SPG21: variants seen among roughly 807,000 people sequenced by gnomAD.
SPG21 encodes the protein maspardin.
In SPG21, 26 loss-of-function variants were observed where a neutral mutation model predicts 38.9. The observed-to-expected ratio is 0.67, with a 90% CI of 0.49 to 0.93. The LOEUF (loss-of-function observed/expected upper bound fraction) is 0.93, where lower values mean the gene tolerates loss of function less well. Among genes scored for constraint, SPG21 ranks in the 40% least tolerant of loss-of-function variants. SPG21 has a pLI of 0.00. For synonymous variants in SPG21, 136 were observed against 128.9 expected, an observed-to-expected ratio of 1.05 and a Z score of -0.37; for missense variants, 333 against 376.5, an observed-to-expected ratio of 0.88 and a Z score of 0.96.
chr15:64,975,284 T>A (rs2085752820), intron 4 of SPG21, among the ~76,000 whole-genome samples: 1 of 137,294 alleles, frequency 7.3e-6, no homozygotes. Flanking sequence ...CGAGACTCCG[T>A]CTTAAAAAAA....
chr15:64,978,263 C>T (rs1267647775), intron 3 of SPG21, among the ~76,000 whole-genome samples: 1 of 151,802 alleles, frequency 6.6e-6, no homozygotes, highest in Admixed American at 6.6e-5. Flanking sequence ...GCCTGGACAA[C>T]ATGGTGAAAC....
At chr15:64,984,834 C>T (rs1485680642) in intron 1 of SPG21, among the ~76,000 whole-genome samples, 1 of 151,068 alleles carries the variant, frequency 6.6e-6, no homozygotes, top group East Asian at 1.9e-4. Flanking sequence ...ACTGCAACCT[C>T]CACCCTCCAA....
chr15:64,966,679 C>A (rs1168405993), intron 7 of SPG21, among the ~76,000 whole-genome samples: 1 of 152,112 alleles, frequency 6.6e-6, no homozygotes, highest in East Asian at 1.9e-4. Context: ...GCGGGCAGAT[C>A]ATGAGGTCAG....
chr15:64,979,904 T>C (rs2085851720), intron 3 of SPG21, among the ~76,000 whole-genome samples: 1 of 150,564 alleles, frequency 6.6e-6, no homozygotes, highest in South Asian at 2.1e-4. Context: ...CCACACACCT[T>C]TCTCCCAGAG....
At chr15:64,979,845 C>CAAAAAAA (rs71136305) in intron 3 of SPG21, among the ~76,000 whole-genome samples, 1 of 89,524 alleles carries the variant, frequency 1.1e-5, no homozygotes, top group African/African-American at 4.9e-5. Context: ...TGGAAGCATG[C>CAAAAAAA]AAAAAAAAAA....
Position 64,980,941 on chromosome 15 carries a change from G to A in SPG21, c.148C>T (p.Pro50Ser). ...RSIRCPLIFLPPVSGTADVFF... is the reference protein window; with the variant it reads ...RSIRCPLIFLSPVSGTADVFF... Reference sequence around the variant, plus strand: ...ACATCTGCAGTTCCACTGACAGGGGGCAGGAATATGAGAGGACACCTGATA... The same window carrying A: ...ACATCTGCAGTTCCACTGACAGGGGACAGGAATATGAGAGGACACCTGATA... Residue 50 changes from proline (P) to serine (S), a missense_variant, in exon 3 of 9, where the codon CCC becomes TCC. Physicochemically the swap from Pro to Ser is moderately conservative, Grantham distance 74. Transcript: ENST00000204566. 1 of 1,614,122 alleles carries A rather than the reference G, an allele frequency of 6.2e-7. No homozygotes were observed. The highest frequency in any genetic ancestry group is 8.5e-7 in the Non-Finnish European group (1 of 1,180,014).
intron 3 of SPG21, among the ~76,000 whole-genome samples, chr15:64,978,345 A>T (rs981899321): frequency 3.3e-5 from 5 of 151,966 alleles, no homozygotes; most frequent in African/African-American, 1.2e-4. Context: ...GCTACTGGGG[A>T]AGCTGAGGCA....
chr15:64,968,266 G>A (rs1047269407), intron 7 of SPG21, among the ~76,000 whole-genome samples: 3 of 150,996 alleles, frequency 2.0e-5, no homozygotes, highest in African/African-American at 7.3e-5. Flanking sequence ...TTTGGGCCCG[G>A]GAGGCAGAGG....
At chr15:64,981,544 C>G (rs2085887445) in intron 2 of SPG21, 1 of 156,360 alleles carries the variant, frequency 6.4e-6, no homozygotes, top group Non-Finnish European at 1.4e-5. Flanking sequence ...CCGCCTTGGC[C>G]TCCCAAAGTG....
intron 3 of SPG21, 42 bp downstream of exon 3, chr15:64,980,822 A>C (rs781736127): frequency 1.6e-4 from 254 of 1,603,636 alleles, no homozygotes; most frequent in Non-Finnish European, 1.9e-4. Flanking sequence ...AAAAAAAAAA[A>C]CACACAAAAC....
chr15:64,973,684 G>A (rs2085717567), intron 5 of SPG21, among the ~76,000 whole-genome samples: 1 of 151,968 alleles, frequency 6.6e-6, no homozygotes, highest in African/African-American at 2.4e-5. Flanking sequence ...CCCGACCTCA[G>A]GTGATCCGGC....
intron 2 of SPG21, chr15:64,981,264 G>C (rs965407886): frequency 6.5e-6 from 3 of 458,684 alleles, no homozygotes; most frequent in African/African-American, 6.1e-5. Flanking sequence ...AAGGGCTGCT[G>C]CTTCTCTGTT....
chr15:64,971,626 A>T (rs565881079), intron 5 of SPG21, among the ~76,000 whole-genome samples: 21 of 152,186 alleles, frequency 1.4e-4, no homozygotes, highest in African/African-American at 4.8e-4. Flanking sequence ...TCACAAGGTC[A>T]GGAGTTCAAG....
intron 5 of SPG21, among the ~76,000 whole-genome samples, chr15:64,972,857 C>T (rs966967398): frequency 2.2e-5 from 3 of 136,864 alleles, no homozygotes; most frequent in Non-Finnish European, 5.1e-5. Flanking sequence ...AAAAAACAAA[C>T]AACAACAAAA....
intron 4 of SPG21, 125 bp from the exon 5 acceptor site, chr15:64,974,872 T>A (rs2085745575): frequency 9.5e-7 from 1 of 1,050,578 alleles, no homozygotes; most frequent in Non-Finnish European, 1.4e-6. Flanking sequence ...GACTAAAATA[T>A]TTACAGCAGC....
In SPG21 at chr15:64,980,937, G is replaced by A. The variant is rs775141133; in HGVS notation, c.152C>T (p.Pro51Leu). 14 of 1,613,998 alleles carry A rather than the reference G, an allele frequency of 8.7e-6. No homozygotes were observed. The highest frequency in any genetic ancestry group is 1.2e-5 in the Non-Finnish European group (14 of 1,180,006). The change falls in exon 3 of 9, where the codon CCT (proline) becomes CTT (leucine). Residue 51 changes from proline to leucine, a missense_variant. Coordinates refer to ENST00000204566, the MANE Select transcript of SPG21 (RefSeq NM_016630.7). ...AAAGACATCTGCAGTTCCACTGACA[G>A]GGGGCAGGAATATGAGAGGACACCT... ...SIRCPLIFLP[P>L]VSGTADVFFR...
In SPG21 at chr15:64,963,363, T is replaced by G. The variant is rs7322; in HGVS notation, c.*257A>C. Reference sequence around the variant, plus strand: ...TGGTGAAGACTTTTGGTAGCAAAATTTGCACGGTTCTTAAAATGGGAGTCT... The same window carrying G: ...TGGTGAAGACTTTTGGTAGCAAAATGTGCACGGTTCTTAAAATGGGAGTCT... On this transcript the variant is annotated 3_prime_UTR_variant, in exon 9 of 9. Transcript: ENST00000204566. 4.7e-6 allele frequency: 2 copies of G among 428,652 alleles called. No individual in the cohort carries two copies. The highest frequency in any genetic ancestry group is 8.5e-6 in the Non-Finnish European group (2 of 236,674). 26.6% of individuals were successfully genotyped at this position (428,652 alleles called of 1,614,324 possible).
intron 1 of SPG21, among the ~76,000 whole-genome samples, chr15:64,985,421 C>A (rs1038772244): frequency 1.3e-5 from 2 of 152,232 alleles, no homozygotes; most frequent in Admixed American, 1.3e-4. Flanking sequence ...CTAACCCTGG[C>A]ATCTGTGAGC....
intron 5 of SPG21, among the ~76,000 whole-genome samples, chr15:64,971,402 G>C (rs991441083): frequency 6.6e-6 from 1 of 152,024 alleles, no homozygotes; most frequent in East Asian, 1.9e-4. Context: ...AGCCGGGCTT[G>C]GTGGCGGGCG....
Sources: gnomAD v4.1 joint callset for allele counts (sites outside exome capture counted in the v4.1 genomes callset) on GRCh38, gnomAD v4.1.1 for gene constraint, MANE v1.5 for transcripts, NCBI Gene and HGNC (gene_info 2026-07-23, HGNC 2026-07-21) for gene names.